Variants in GNAQ observed in about 807,000 individuals in gnomAD.
GNAQ encodes the protein G protein subunit alpha q.
GNAQ carries 8 observed loss-of-function variants against 43.9 expected under a neutral mutation model. The ratio of observed to expected loss-of-function variants is 0.18; its 90% CI spans 0.11 to 0.33. The LOEUF is 0.33. GNAQ is among the 10% of genes least tolerant of loss of function. The pLI is 1.00. For synonymous variants in GNAQ, 155 were observed against 170.7 expected, an observed-to-expected ratio of 0.91 and a Z score of 0.71; for missense variants, 158 against 450.8, an observed-to-expected ratio of 0.35 and a Z score of 5.88.
At chr9:77,796,732 A>G (rs543892603) in intron 4 of GNAQ, among the ~76,000 whole-genome samples, 36 of 152,320 alleles carry the variant, frequency 2.4e-4, no homozygotes, top group African/African-American at 7.2e-4. Flanking sequence ...AAAACATCAC[A>G]TATTTTTCTT....
At chr9:77,777,866 T>C (rs971146150) in intron 5 of GNAQ, among the ~76,000 whole-genome samples, 3 of 152,006 alleles carry the variant, frequency 2.0e-5, no homozygotes, top group Admixed American at 2.0e-4. Flanking sequence ...ACATTGCTGG[T>C]AGGACTGTAA....
intron 2 of GNAQ, among the ~76,000 whole-genome samples, chr9:77,898,367 G>A (rs1355343944): frequency 6.6e-6 from 1 of 152,130 alleles, no homozygotes; most frequent in Non-Finnish European, 1.5e-5. Context: ...ATAATAAAAA[G>A]TCTTAGGGAG....
Position 77,815,669 on chromosome 9 carries a change from G to C in GNAQ, c.423C>G (p.Ile141Met). The C allele has an allele frequency of 6.2e-7, 1 of 1,600,078 alleles. No homozygotes were observed. Residue 141 changes from isoleucine to methionine, a missense_variant, in exon 3 of 7, where the codon ATC becomes ATG. Around this residue, in one of 9 missense-constraint regions of GNAQ, gnomAD observed 5 missense variants for 32.4 expected, o/e 0.15. Coordinates refer to ENST00000286548, the MANE Select transcript of GNAQ (RefSeq NM_002072.5). ...AIKSLWNDPG[I>M]QECYDRRREY... Reference sequence around the variant, plus strand: ...CTCGTCGTCTATCATAGCATTCCTGGATTCCAGGATCATTCCATAAACTCT... The same window carrying C: ...CTCGTCGTCTATCATAGCATTCCTGCATTCCAGGATCATTCCATAAACTCT...
At chr9:77,956,786 C>G (rs543137888) in intron 1 of GNAQ, among the ~76,000 whole-genome samples, 1 of 152,290 alleles carries the variant, frequency 6.6e-6, no homozygotes, top group African/African-American at 2.4e-5. Flanking sequence ...AATGAGAGCC[C>G]TTCCTGTGCA....
chr9:77,874,135 A>G (rs1328312519), intron 2 of GNAQ, among the ~76,000 whole-genome samples: 1 of 152,058 alleles, frequency 6.6e-6, no homozygotes, highest in Non-Finnish European at 1.5e-5. Context: ...CAAAAAAACA[A>G]AAAAACAAGA....
At chr9:77,722,653 C>CTTTTTT (rs36194112) in intron 6 of GNAQ, among the ~76,000 whole-genome samples, 1 of 115,798 alleles carries the variant, frequency 8.6e-6, no homozygotes. Context: ...TATCTAAGGA[C>CTTTTTT]TTTTTTTTTT....
chr9:77,915,439 T>G (rs889958196), intron 2 of GNAQ, among the ~76,000 whole-genome samples: 1 of 152,256 alleles, frequency 6.6e-6, no homozygotes, highest in Non-Finnish European at 1.5e-5. Flanking sequence ...CATTGTTTTT[T>G]TGTTTTATTC....
At chr9:77,862,783 AT>A (rs1231931574) in intron 2 of GNAQ, among the ~76,000 whole-genome samples, 1 of 152,134 alleles carries the variant, frequency 6.6e-6, no homozygotes, top group Non-Finnish European at 1.5e-5. Context: ...TTTCTATCAC[AT>A]TGTCAGACTA....
chr9:77,916,381 G>T (rs1828905143), intron 2 of GNAQ, among the ~76,000 whole-genome samples: 1 of 152,148 alleles, frequency 6.6e-6, no homozygotes, highest in African/African-American at 2.4e-5. Context: ...CACTCATGTT[G>T]CACAAAGTAG....
chr9:77,893,880 C>A (rs1372688823), intron 2 of GNAQ, among the ~76,000 whole-genome samples: 1 of 152,178 alleles, frequency 6.6e-6, no homozygotes, highest in Admixed American at 6.5e-5. Context: ...GAGGTGAAGT[C>A]TGCTCTCCCT....
intron 1 of GNAQ, among the ~76,000 whole-genome samples, chr9:77,948,587 C>T (rs1345314952): frequency 6.6e-6 from 1 of 152,138 alleles, no homozygotes; most frequent in East Asian, 1.9e-4. Context: ...ATTAACACAG[C>T]GTCCTAAGAA....
chr9:77,828,009 G>A (rs796186154), intron 2 of GNAQ, among the ~76,000 whole-genome samples: 68 of 128,116 alleles, frequency 5.3e-4, no homozygotes, highest in African/African-American at 1.9e-3. Flanking sequence ...GCAGTGAGCC[G>A]AGATCGTGCC....
chr9:77,736,912 T>TACTGCACAGC (rs1427489692), intron 5 of GNAQ, among the ~76,000 whole-genome samples: 1 of 152,222 alleles, frequency 6.6e-6, no homozygotes, highest in African/African-American at 2.4e-5. Flanking sequence ...TTTCAAAGTC[T>TACTGCACAGC]ACTGCACAGC....
chr9:77,823,986 T>C (rs1045472535), intron 2 of GNAQ, among the ~76,000 whole-genome samples: 4 of 152,218 alleles, frequency 2.6e-5, no homozygotes, highest in African/African-American at 9.6e-5. Context: ...TCCTAAAATA[T>C]AAACTTTTGA....
At chr9:77,939,833 T>C (rs1005225484) in intron 1 of GNAQ, among the ~76,000 whole-genome samples, 1 of 152,186 alleles carries the variant, frequency 6.6e-6, no homozygotes, top group Non-Finnish European at 1.5e-5. Context: ...CTTTTGCATA[T>C]TAAGAATATA....
chr9:77,817,394 T>C (rs561978671), intron 2 of GNAQ, among the ~76,000 whole-genome samples: 47 of 151,566 alleles, frequency 3.1e-4, no homozygotes, highest in African/African-American at 1.1e-3. Context: ...TGTTGGTTGG[T>C]TGGAAGGAAC....
intron 4 of GNAQ, among the ~76,000 whole-genome samples, chr9:77,797,016 TAGTACA>T (rs1194189749): frequency 6.6e-6 from 1 of 152,206 alleles, no homozygotes; most frequent in Non-Finnish European, 1.5e-5. Flanking sequence ...CCAAATGTTC[TAGTACA>T]AGTACATCTC....
intron 1 of GNAQ, among the ~76,000 whole-genome samples, chr9:77,964,704 A>G (rs904399189): frequency 6.6e-6 from 1 of 152,192 alleles, no homozygotes; most frequent in Non-Finnish European, 1.5e-5. Flanking sequence ...TAAGTAACAC[A>G]TAAGAAAAAA....
chr9:77,919,332 C>T (rs114549911), intron 2 of GNAQ, among the ~76,000 whole-genome samples: 2,216 of 152,244 alleles, frequency 0.015, 54 homozygotes, highest in African/African-American at 0.05. Context: ...TGAAGACTGA[C>T]TTTCAAGGAG....
Sources: gnomAD v4.1 joint callset for allele counts (sites outside exome capture counted in the v4.1 genomes callset) on GRCh38, gnomAD v4.1.1 for gene constraint, gnomAD v4.1.1 regional missense constraint, MANE v1.5 for transcripts, NCBI Gene and HGNC (gene_info 2026-07-23, HGNC 2026-07-21) for gene names.